The following M1AP variants were observed in gnomAD, a reference collection of about 807,000 sequenced individuals.
The protein encoded by M1AP is meiosis 1 arrest protein.
A neutral mutation model predicts 51.2 loss-of-function variants in M1AP; 39 were observed. That is an observed-to-expected ratio of 0.76 (90% CI 0.59 to 1.00). M1AP has a LOEUF of 1.00. Among genes scored for constraint, M1AP ranks in the 50% least tolerant of loss-of-function variants. M1AP has a pLI of 0.00. For missense variants in M1AP, 545 were observed against 641.2 expected (o/e 0.85, Z 1.62); for synonymous variants, 251 against 249.2 (o/e 1.01, Z -0.07).
chr2:74,612,965 G>T (rs2104729941), intron 3 of M1AP, among the ~76,000 whole-genome samples: 1 of 147,956 alleles, frequency 6.8e-6, no homozygotes, highest in Admixed American at 6.6e-5. Context: ...TCTGCTCTGG[G>T]TTTTTTTTCC....
chr2:74,577,727 C>G (rs998515793), intron 5 of M1AP, among the ~76,000 whole-genome samples: 1 of 152,144 alleles, frequency 6.6e-6, no homozygotes, highest in Non-Finnish European at 1.5e-5. Flanking sequence ...CACAGGAAGT[C>G]AGTAGGAGGG....
intron 3 of M1AP, among the ~76,000 whole-genome samples, chr2:74,613,069 T>C (rs1186644031): frequency 6.6e-6 from 1 of 152,198 alleles, no homozygotes. Context: ...GGTCTACAAA[T>C]AAGCCCATCA....
intron 3 of M1AP, among the ~76,000 whole-genome samples, chr2:74,614,499 G>A (rs1172013023): frequency 1.3e-5 from 2 of 152,126 alleles, no homozygotes; most frequent in African/African-American, 4.8e-5. Flanking sequence ...ATATTTTTAA[G>A]ATTGGCTCAG....
intron 1 of M1AP, among the ~76,000 whole-genome samples, 186 bp from the exon 2 acceptor site, chr2:74,640,513 C>G (rs568553103): frequency 5.4e-5 from 8 of 146,968 alleles, no homozygotes; most frequent in African/African-American, 1.5e-4. Flanking sequence ...CAGGCTGGAG[C>G]GCAGTGGTGC....
At position 74,614,966 on chromosome 2, in the gene M1AP, C is replaced by T; in HGVS notation, c.424G>A (p.Glu142Lys). Reference sequence around the variant, plus strand: ...TCCTAAAGGCCAGCATCACTTACCTCCAGGGAGGTATAGGTCAGAGCTGCC... The same window carrying T: ...TCCTAAAGGCCAGCATCACTTACCTTCAGGGAGGTATAGGTCAGAGCTGCC... The part of the protein sequence containing the change: ...TRAALTYTSL[E>K]ITILTSQPGK... Residue 142 changes from glutamate to lysine, a missense_variant and splice_region_variant, in exon 3 of 11, where the codon GAG becomes AAG. Physicochemically the swap from Glu to Lys is moderately conservative, Grantham distance 56. Transcript: ENST00000421985. 6.2e-7 allele frequency: 1 copy of T among 1,613,942 alleles called. No homozygotes were observed.
At chr2:74,574,857 C>T (rs1678960106) in intron 7 of M1AP, among the ~76,000 whole-genome samples, 1 of 152,214 alleles carries the variant, frequency 6.6e-6, no homozygotes, top group Non-Finnish European at 1.5e-5. Context: ...GCCTGCCACC[C>T]TTCACCTGGT....
intron 4 of M1AP, among the ~76,000 whole-genome samples, chr2:74,595,638 C>T (rs1413215289): frequency 6.6e-6 from 1 of 152,104 alleles, no homozygotes; most frequent in Non-Finnish European, 1.5e-5. Context: ...AGGCTAAAAG[C>T]AAAGATTTCA....
intron 10 of M1AP, among the ~76,000 whole-genome samples, 195 bp from the exon 11 acceptor site, chr2:74,559,069 C>T (rs1477746897): frequency 6.6e-6 from 1 of 152,238 alleles, no homozygotes; most frequent in African/African-American, 2.4e-5. Context: ...GGTGTCCTAC[C>T]TCTGGCAGCT....
chr2:74,643,140 T>C (rs1234079769), intron 1 of M1AP, among the ~76,000 whole-genome samples: 1 of 152,074 alleles, frequency 6.6e-6, no homozygotes, highest in African/African-American at 2.4e-5. Context: ...TAAATAATCA[T>C]ATATAACAGG....
chr2:74,579,669 T>C (rs1325690685), intron 5 of M1AP, among the ~76,000 whole-genome samples: 1 of 152,182 alleles, frequency 6.6e-6, no homozygotes, highest in Non-Finnish European at 1.5e-5. Flanking sequence ...AGGCAGGCAC[T>C]CTAAGTCCTT....
chr2:74,567,773 G>A (rs1678483492), intron 7 of M1AP, among the ~76,000 whole-genome samples: 1 of 152,232 alleles, frequency 6.6e-6, no homozygotes, highest in African/African-American at 2.4e-5. Context: ...TAGCTTTCTT[G>A]TGGTCTGTAT....
chr2:74,580,624 T>C (rs1020430165), intron 5 of M1AP, among the ~76,000 whole-genome samples: 1 of 152,152 alleles, frequency 6.6e-6, no homozygotes, highest in African/African-American at 2.4e-5. Flanking sequence ...AGAGTTCTAT[T>C]ACAGCTGAAG....
Position 74,614,876 on chromosome 2 carries a change from G to C in M1AP, c.426+88C>G, listed in dbSNP as rs572822134. On this transcript the variant is annotated intron_variant, in intron 3 of 10. Coordinates refer to ENST00000421985, the MANE Select transcript of M1AP (RefSeq NM_001321739.2). Reference sequence around the variant, plus strand: ...AATATTACATCTAGAGTGAATGAAAGATAGAACAATGTAAAGATGATAAAC... The same window carrying C: ...AATATTACATCTAGAGTGAATGAAACATAGAACAATGTAAAGATGATAAAC... 44 of 1,231,840 alleles carry C rather than the reference G, an allele frequency of 3.6e-5. No homozygotes were observed. The African/African-American group carries it at 5.8e-4, about 16-fold the overall frequency. 76.3% of individuals were successfully genotyped at this position (1,231,840 alleles called of 1,614,324 possible).
At chr2:74,571,997 CAA>C (rs1207829899) in intron 7 of M1AP, among the ~76,000 whole-genome samples, 32 of 72,878 alleles carry the variant, frequency 4.4e-4, no homozygotes, top group Admixed American at 4.8e-4. Context: ...AACTCCGTCT[CAA>C]AAAAAAAAAA....
chr2:74,571,566 T>C (rs1175676314), intron 7 of M1AP, among the ~76,000 whole-genome samples: 5 of 152,212 alleles, frequency 3.3e-5, no homozygotes, highest in Admixed American at 3.3e-4. Flanking sequence ...ATAAGTCTCG[T>C]CACACTTAAA....
At chr2:74,613,527 A>C (rs937829053) in intron 3 of M1AP, among the ~76,000 whole-genome samples, 2 of 135,952 alleles carry the variant, frequency 1.5e-5, no homozygotes, top group African/African-American at 6.7e-5. Flanking sequence ...GGATGGCTAG[A>C]GTGGGCTGAA....
chr2:74,632,084 T>C (rs1682737934), intron 2 of M1AP, among the ~76,000 whole-genome samples: 4 of 152,236 alleles, frequency 2.6e-5, no homozygotes, highest in African/African-American at 7.2e-5. Flanking sequence ...GTTGAACTTA[T>C]TGTTCGGTTG....
chr2:74,628,469 GAT>G, intron 2 of M1AP: 1 of 421,840 alleles, frequency 2.4e-6, no homozygotes, highest in South Asian at 2.1e-5. Context: ...CCATACCCAT[GAT>G]AACCACTGCT....
chr2:74,578,112 G>A (rs1269913241), intron 5 of M1AP, among the ~76,000 whole-genome samples: 2 of 152,196 alleles, frequency 1.3e-5, no homozygotes, highest in African/African-American at 2.4e-5. Context: ...GGTAATGCTT[G>A]CTCACCTGCT....
Sources: allele counts gnomAD v4.1 joint callset (sites outside exome capture counted in the v4.1 genomes callset), GRCh38; gene constraint gnomAD v4.1.1; transcripts MANE v1.5; gene names NCBI Gene and HGNC (gene_info 2026-07-23, HGNC 2026-07-21).